COL26A1: variants seen among roughly 807,000 people sequenced by gnomAD.
COL26A1 encodes the protein collagen alpha-1(XXVI) chain.
COL26A1 carries 41 observed loss-of-function variants against 59.3 expected under a neutral mutation model. That is an observed-to-expected ratio of 0.69 (90% CI 0.54 to 0.90). The LOEUF (loss-of-function observed/expected upper bound fraction) is 0.90, where lower values mean the gene tolerates loss of function less well. COL26A1 is among the 40% of genes least tolerant of loss of function. The pLI, the probability that COL26A1 is intolerant of heterozygous loss-of-function variation, is 0.00. For missense variants in COL26A1, 612 were observed against 602.3 expected, an observed-to-expected ratio of 1.02 and a Z score of -0.17; for synonymous variants, 266 against 256.0, an observed-to-expected ratio of 1.04 and a Z score of -0.37.
chr7:101,445,718 C>T (rs1373788373), intron 2 of COL26A1, among the ~76,000 whole-genome samples: 2 of 87,112 alleles, frequency 2.3e-5, no homozygotes, highest in Non-Finnish European at 4.1e-5. Context: ...GGCGACAGAG[C>T]GAGACTCCGT....
At chr7:101,467,903 C>CA (rs1013325253) in intron 3 of COL26A1, among the ~76,000 whole-genome samples, 5 of 151,938 alleles carry the variant, frequency 3.3e-5, no homozygotes, top group African/African-American at 4.8e-5. Flanking sequence ...AAGGAGCCGC[C>CA]ATGTTGAACC....
intron 3 of COL26A1, among the ~76,000 whole-genome samples, chr7:101,471,544 A>G (rs141022800): frequency 4.7e-5 from 7 of 150,506 alleles, no homozygotes; most frequent in Non-Finnish European, 1.0e-4. Context: ...AGCTAAGAAT[A>G]ATGTTTTGTT....
At chr7:101,438,370 TAAAC>T (rs1792967953) in intron 2 of COL26A1, among the ~76,000 whole-genome samples, 1 of 150,692 alleles carries the variant, frequency 6.6e-6, no homozygotes, top group Admixed American at 6.6e-5. Flanking sequence ...CAAAAAAAAA[TAAAC>T]AACAGTAAAA....
At chr7:101,553,496 C>G in intron 11 of COL26A1, 120 bp downstream of exon 11, 1 of 929,124 alleles carries the variant, frequency 1.1e-6, no homozygotes, top group South Asian at 1.6e-5. Flanking sequence ...GGGTGCTGGG[C>G]CACCGGGTGT....
chr7:101,442,622 G>C (rs1793086258), intron 2 of COL26A1, among the ~76,000 whole-genome samples: 1 of 152,196 alleles, frequency 6.6e-6, no homozygotes, highest in East Asian at 1.9e-4. Context: ...TGGTTTGAAA[G>C]GCGTGACTCC....
At chr7:101,543,540 G>A (rs540757148) in intron 5 of COL26A1, among the ~76,000 whole-genome samples, 4 of 152,262 alleles carry the variant, frequency 2.6e-5, no homozygotes, top group East Asian at 1.9e-4. Context: ...CACCCTTGGG[G>A]TTTAGAGATC....
At chr7:101,464,255 C>T (rs1363969766) in intron 3 of COL26A1, among the ~76,000 whole-genome samples, 1 of 151,990 alleles carries the variant, frequency 6.6e-6, no homozygotes, top group South Asian at 2.1e-4. Flanking sequence ...CTCATGCCAC[C>T]ACTCCCAGCT....
intron 3 of COL26A1, among the ~76,000 whole-genome samples, chr7:101,487,952 G>A (rs544584910): frequency 6.6e-6 from 1 of 152,122 alleles, no homozygotes; most frequent in East Asian, 1.9e-4. Context: ...AACTACTACA[G>A]TGTCTTTTAC....
chr7:101,553,447 C>A, intron 11 of COL26A1, 71 bp downstream of exon 11: 1 of 1,477,714 alleles, frequency 6.8e-7, no homozygotes, highest in Non-Finnish European at 9.4e-7. Flanking sequence ...AGGGCAGGTG[C>A]CCCACAGATC....
intron 1 of COL26A1, among the ~76,000 whole-genome samples, chr7:101,391,744 G>A (rs1203060568): frequency 6.6e-6 from 1 of 152,074 alleles, no homozygotes; most frequent in Admixed American, 6.6e-5. Context: ...TAGTAGAGAC[G>A]GGGTATCACC....
intron 2 of COL26A1, among the ~76,000 whole-genome samples, chr7:101,433,065 G>A (rs1315568714): frequency 6.6e-6 from 1 of 152,130 alleles, no homozygotes; most frequent in Non-Finnish European, 1.5e-5. Context: ...GCTCACTCCT[G>A]TAATCCCAAC....
intron 1 of COL26A1, among the ~76,000 whole-genome samples, chr7:101,406,098 C>T (rs1302689019): frequency 1.3e-5 from 2 of 152,238 alleles, no homozygotes; most frequent in Non-Finnish European, 2.9e-5. Context: ...CTCCGTGCTG[C>T]GCCCTGGAAA....
At chr7:101,480,660 C>G (rs1296479466) in intron 3 of COL26A1, among the ~76,000 whole-genome samples, 1 of 152,040 alleles carries the variant, frequency 6.6e-6, no homozygotes, top group Non-Finnish European at 1.5e-5. Flanking sequence ...GTCACCATGC[C>G]CAGCTTTTTG....
chr7:101,533,966 G>C (rs770250083), intron 4 of COL26A1, among the ~76,000 whole-genome samples: 2 of 152,226 alleles, frequency 1.3e-5, no homozygotes, highest in Non-Finnish European at 2.9e-5. Flanking sequence ...TGAAGGGTGC[G>C]TGTGGGGCGC....
intron 11 of COL26A1, among the ~76,000 whole-genome samples, chr7:101,554,156 C>T (rs535485444): frequency 5.9e-5 from 9 of 151,584 alleles, no homozygotes; most frequent in South Asian, 4.2e-4. Flanking sequence ...AAGGTTGTTG[C>T]GTGGGGGTGC....
intron 11 of COL26A1, among the ~76,000 whole-genome samples, chr7:101,554,137 G>A (rs766017702): frequency 1.3e-5 from 2 of 152,152 alleles, no homozygotes; most frequent in Non-Finnish European, 2.9e-5. Flanking sequence ...GTGATTGCCA[G>A]AGAATGAGAA....
At chr7:101,489,549 G>A (rs1281641347) in intron 3 of COL26A1, among the ~76,000 whole-genome samples, 1 of 151,980 alleles carries the variant, frequency 6.6e-6, no homozygotes, top group Admixed American at 6.6e-5. Context: ...TCCTTCCTCA[G>A]CCTCCTAAGT....
intron 1 of COL26A1, among the ~76,000 whole-genome samples, chr7:101,375,348 G>T (rs1021934723): frequency 1.8e-4 from 27 of 152,112 alleles, no homozygotes; most frequent in Non-Finnish European, 3.4e-4. Flanking sequence ...CTCAGATGGT[G>T]TAGTGTGCTG....
intron 1 of COL26A1, among the ~76,000 whole-genome samples, chr7:101,418,028 T>C (rs561908098): frequency 6.6e-6 from 1 of 152,158 alleles, no homozygotes; most frequent in South Asian, 2.1e-4. Context: ...CCCAGTCGTA[T>C]ATATATACTT....
Sources: allele counts gnomAD v4.1 joint callset (sites outside exome capture counted in the v4.1 genomes callset), GRCh38; gene constraint gnomAD v4.1.1; transcripts MANE v1.5; gene names NCBI Gene and HGNC (gene_info 2026-07-23, HGNC 2026-07-21).